EHMT1: variants seen among roughly 807,000 people sequenced by gnomAD.
The protein encoded by EHMT1 is histone-lysine N-methyltransferase EHMT1.
EHMT1 carries 15 observed loss-of-function variants against 147.2 expected under a neutral mutation model. That is an observed-to-expected ratio of 0.10 (90% CI 0.07 to 0.16). The LOEUF is 0.16. EHMT1 is among the 10% of genes least tolerant of loss of function. The pLI, the probability that EHMT1 is intolerant of heterozygous loss-of-function variation, is 1.00. For missense variants in EHMT1, 1,587 were observed against 1,772.4 expected, an observed-to-expected ratio of 0.90 and a Z score of 1.88; for synonymous variants, 795 against 709.6, an observed-to-expected ratio of 1.12 and a Z score of -1.91.
chr9:137,726,976 G>C (rs1588403844), intron 3 of EHMT1, among the ~76,000 whole-genome samples: 1 of 152,102 alleles, frequency 6.6e-6, no homozygotes, highest in East Asian at 1.9e-4. Flanking sequence ...AGAAATGTCT[G>C]TTCAGGTCCT....
chr9:137,814,757 G>A (rs1295537121), intron 22 of EHMT1: 1 of 599,322 alleles, frequency 1.7e-6, no homozygotes, highest in African/African-American at 1.9e-5. Flanking sequence ...CCTGGATGGT[G>A]GCGGGGGTGG....
At position 137,834,790 on chromosome 9, in the gene EHMT1, G is replaced by A. The variant is rs1251873740; in HGVS notation, c.3734G>A (p.Arg1245His). 1.2e-6 allele frequency: 2 copies of A among 1,613,162 alleles called. No individual in the cohort carries two copies. Among genetic ancestry groups the A allele is most frequent in the Non-Finnish European group, 1.7e-6 (2 of 1,179,758 alleles). The change falls in exon 27 of 27, where the codon CGC (arginine) becomes CAC (histidine). Residue 1245 changes from arginine to histidine, a missense_variant. Coordinates refer to ENST00000460843, the MANE Select transcript of EHMT1 (RefSeq NM_024757.5). ...CTCCCCAGGTTTGACTATGGAGAGC[G>A]CTTCTGGGACATCAAAGGCAAGCTC... Reference protein sequence around the residue: ...GEQLGFDYGERFWDIKGKLFS... With the variant: ...GEQLGFDYGEHFWDIKGKLFS...
At chr9:137,678,397 T>C (rs1218157921) in intron 1 of EHMT1, among the ~76,000 whole-genome samples, 1 of 152,170 alleles carries the variant, frequency 6.6e-6, no homozygotes. Flanking sequence ...TTCGTAGATA[T>C]CCTTTATCAG....
chr9:137,751,545 C>T (rs899796558), intron 6 of EHMT1, among the ~76,000 whole-genome samples: 15 of 152,058 alleles, frequency 9.9e-5, no homozygotes, highest in Admixed American at 5.9e-4. Context: ...AGCCCCATGC[C>T]GCCTTAGGGA....
chr9:137,718,819 G>A (rs1182355491), intron 3 of EHMT1, among the ~76,000 whole-genome samples: 1 of 148,518 alleles, frequency 6.7e-6, no homozygotes, highest in South Asian at 2.1e-4. Flanking sequence ...GAAATGGCGC[G>A]ATCTCAGCTC....
At chr9:137,719,564 T>C (rs1405642659) in intron 3 of EHMT1, among the ~76,000 whole-genome samples, 1 of 152,216 alleles carries the variant, frequency 6.6e-6, no homozygotes, top group East Asian at 1.9e-4. Flanking sequence ...CTTCTGTACA[T>C]GGCAAAGCTT....
intron 22 of EHMT1, 39 bp from the exon 23 acceptor site, chr9:137,815,908 G>C (rs1450955023): frequency 6.6e-7 from 1 of 1,513,998 alleles, no homozygotes; most frequent in Non-Finnish European, 9.0e-7. Context: ...TAAAGAGTGA[G>C]TAACCTCTGC....
At chr9:137,674,150 C>T (rs1179930316) in intron 1 of EHMT1, among the ~76,000 whole-genome samples, 4 of 152,176 alleles carry the variant, frequency 2.6e-5, no homozygotes, top group Non-Finnish European at 4.4e-5. Context: ...GGGTCTGGAG[C>T]GCAGTGAGCT....
chr9:137,833,600 G>C (rs965357657), intron 25 of EHMT1, among the ~76,000 whole-genome samples: 1 of 152,216 alleles, frequency 6.6e-6, no homozygotes, highest in Non-Finnish European at 1.5e-5. Context: ...GGTTAGGTCA[G>C]GCCCACCCAC....
intron 1 of EHMT1, among the ~76,000 whole-genome samples, chr9:137,654,520 T>A (rs1938228497): frequency 1.3e-5 from 2 of 152,160 alleles, no homozygotes; most frequent in African/African-American, 2.4e-5. Flanking sequence ...TTTACCTTTG[T>A]TGTAAGTTTT....
At chr9:137,724,832 C>T (rs1480221502) in intron 3 of EHMT1, among the ~76,000 whole-genome samples, 1 of 151,660 alleles carries the variant, frequency 6.6e-6, no homozygotes, top group Non-Finnish European at 1.5e-5. Context: ...GTGTGGTAGA[C>T]TTGTGGCATT....
chr9:137,715,472 C>A, intron 2 of EHMT1: 1 of 920,558 alleles, frequency 1.1e-6, no homozygotes, highest in Non-Finnish European at 1.3e-6. Context: ...GACAGACGGC[C>A]AGCATGACAG....
chr9:137,660,569 T>C (rs1938973555), intron 1 of EHMT1, among the ~76,000 whole-genome samples: 1 of 152,210 alleles, frequency 6.6e-6, no homozygotes, highest in Admixed American at 6.5e-5. Context: ...ATATTAACTC[T>C]AGAATCATAA....
At chr9:137,798,776 G>A (rs1953182565) in intron 16 of EHMT1, 37 bp from the exon 17 acceptor site, 2 of 1,548,986 alleles carry the variant, frequency 1.3e-6, no homozygotes, top group South Asian at 2.2e-5. Flanking sequence ...AGGATCACAG[G>A]TATGGATTCT....
At position 137,710,965 on chromosome 9, in the gene EHMT1, A is replaced by T; in HGVS notation, c.22-2A>T. On this transcript the variant is annotated splice_acceptor_variant, in intron 1 of 26. Coordinates refer to ENST00000460843, the MANE Select transcript of EHMT1 (RefSeq NM_024757.5). LOFTEE classifies it high-confidence loss of function. ...CTGACGGCTGTTGTTTCTCTCTAAC[A>T]GGCAGTTCCGGCGAGGGGGGAGCCT... 6.3e-7 allele frequency: 1 copy of T among 1,596,276 alleles called. No homozygotes were observed. The highest frequency in any genetic ancestry group is 8.5e-7 in the Non-Finnish European group (1 of 1,172,022).
At chr9:137,665,063 T>C (rs938679844) in intron 1 of EHMT1, 2 of 152,200 alleles carry the variant, frequency 1.3e-5, no homozygotes, top group South Asian at 2.1e-4. Context: ...GGGGGAGTTA[T>C]AGAATAGCAT....
chr9:137,834,564 C>T (rs761366026), intron 26 of EHMT1, 40 bp downstream of exon 26: 37 of 1,606,988 alleles, frequency 2.3e-5, no homozygotes, highest in Non-Finnish European at 2.7e-5. Flanking sequence ...CCGCTGCCGG[C>T]GGGACGGTTT....
At chr9:137,808,131 C>T (rs1025520805) in intron 18 of EHMT1, among the ~76,000 whole-genome samples, 3 of 152,362 alleles carry the variant, frequency 2.0e-5, no homozygotes, top group Middle Eastern at 3.4e-3. Context: ...CTCCAGCCCA[C>T]AGCCTGTAGA....
chr9:137,811,292 G>C (rs1197217076), intron 18 of EHMT1, among the ~76,000 whole-genome samples, 169 bp from the exon 19 acceptor site: 1 of 152,158 alleles, frequency 6.6e-6, no homozygotes, highest in Non-Finnish European at 1.5e-5. Flanking sequence ...ATGGGCGCTA[G>C]GTTCCCATCC....
Sources: allele counts gnomAD v4.1 joint callset (sites outside exome capture counted in the v4.1 genomes callset), GRCh38; gene constraint gnomAD v4.1.1; transcripts MANE v1.5; gene names NCBI Gene and HGNC (gene_info 2026-07-23, HGNC 2026-07-21).